NKAIN3: variants seen among roughly 807,000 people sequenced by gnomAD.
The protein encoded by NKAIN3 is sodium/potassium-transporting ATPase subunit beta-1-interacting protein 3.
A neutral mutation model predicts 30.2 loss-of-function variants in NKAIN3; 25 were observed. That is an observed-to-expected ratio of 0.83 (90% CI 0.60 to 1.16). NKAIN3 has a LOEUF of 1.16. Ranked by LOEUF, NKAIN3 falls within the 50% of genes most tolerant of loss-of-function variation. NKAIN3 has a pLI of 0.00. For missense variants in NKAIN3, 225 were observed against 254.1 expected, an observed-to-expected ratio of 0.89 and a Z score of 0.78; for synonymous variants, 91 against 89.6, an observed-to-expected ratio of 1.02 and a Z score of -0.09.
intron 1 of NKAIN3, among the ~76,000 whole-genome samples, chr8:62,458,958 T>C (rs1363382357): frequency 6.6e-6 from 1 of 151,892 alleles, no homozygotes; most frequent in African/African-American, 2.4e-5. Context: ...AGACTCTCTG[T>C]AGCAGTAAAC....
Position 62,953,963 on chromosome 8 carries a change from T to C in NKAIN3, c.594T>C (p.Pro198=), listed in dbSNP as rs1823351666. ...SYYQDHVELK[P]VKPVEISNDI... is the part of the protein sequence containing the mutation. ...ACCAGGATCATGTTGAGTTAAAGCC[T>C]GTTAAACCAGTAAGTAAAGGTGTGA... The change falls in exon 6 of 7, where the codon CCT becomes CCC. Residue 198 remains proline, a synonymous_variant. Transcript: ENST00000623646. The C allele has an allele frequency of 1.0e-5, 10 of 975,054 alleles. No individual in the cohort carries two copies. The South Asian group carries it at 4.3e-4, about 42-fold the overall frequency. 60.4% of individuals were successfully genotyped at this position (975,054 alleles called of 1,614,324 possible).
rs1193221010 is a variant in NKAIN3 at position 62,307,664 on chromosome 8, C to T, written c.54+58537C>T. Among the ~76,000 whole-genome samples, 4 of 150,644 alleles carry T rather than the reference C, an allele frequency of 2.7e-5. 1 individual carries two copies. Among genetic ancestry groups the T allele is most frequent in the African/African-American group, 1.0e-4 (4 of 40,030 alleles). On this transcript the variant is annotated intron_variant, in intron 1 of 6. Transcript: ENST00000623646. ...TTTGGGTTTTAGAAAGATTAAAATG[C>T]GTAAGGCTTGGCCTCAAGTTGTTTG...
intron 3 of NKAIN3, among the ~76,000 whole-genome samples, chr8:62,708,041 T>C (rs1329233898): frequency 6.6e-6 from 1 of 152,048 alleles, no homozygotes; most frequent in Non-Finnish European, 1.5e-5. Flanking sequence ...CTGTACATAT[T>C]TGGGTTTATT....
At position 62,763,221 on chromosome 8, in the gene NKAIN3, C is replaced by CAA. The variant is rs55873861; in HGVS notation, c.471+16131_471+16132dup. Among the ~76,000 whole-genome samples, 117 of 47,186 alleles carry CAA rather than the reference C, an allele frequency of 2.5e-3. 20 individuals are homozygous for CAA. Among genetic ancestry groups the CAA allele is most frequent in the African/African-American group, 4.5e-3 (75 of 16,642 alleles). The allele number at this position is 47,186 out of a possible 152,430, so 31.0% of individuals were successfully genotyped here. On this transcript the variant is annotated intron_variant, in intron 4 of 6. Coordinates refer to ENST00000623646, the MANE Select transcript of NKAIN3 (RefSeq NM_001304533.3). ...GGGCAACAAGTGCGAGACTCCGTCT[C>CAA]AAAAAAAAAAAAAAAAAAAAAAAAA... is the stretch of plus-strand genomic sequence containing the variant.
At chr8:62,760,064 A>G (rs1369114016) in intron 4 of NKAIN3, among the ~76,000 whole-genome samples, 2 of 152,212 alleles carry the variant, frequency 1.3e-5, no homozygotes, top group Non-Finnish European at 2.9e-5. Context: ...TGCAAATCAA[A>G]ACCACAATGA....
chr8:62,968,490 G>A lies in NKAIN3; in HGVS notation c.*3083G>A, dbSNP rs1472522697. 6.6e-6 allele frequency among the ~76,000 whole-genome samples: 1 copy of A among 152,120 alleles called. No individual in the cohort carries two copies. Among genetic ancestry groups the A allele is most frequent in the Non-Finnish European group, 1.5e-5 (1 of 68,016 alleles). ...CAATTGTGTGTCTGGTCAGAGTAAG[G>A]GAAAATGAATGCATCCCTTAGCTTG... On this transcript the variant is annotated 3_prime_UTR_variant, in exon 7 of 7. Transcript: ENST00000623646.
chr8:62,448,585 T>G (rs561495876), intron 1 of NKAIN3, among the ~76,000 whole-genome samples: 4 of 151,822 alleles, frequency 2.6e-5, no homozygotes, highest in Non-Finnish European at 5.9e-5. Context: ...ATACATGCAG[T>G]CTCACAGTTT....
intron 5 of NKAIN3, among the ~76,000 whole-genome samples, chr8:62,943,763 T>C (rs1489670192): frequency 6.9e-6 from 1 of 144,806 alleles, no homozygotes; most frequent in East Asian, 1.9e-4. Flanking sequence ...TATGATATAT[T>C]ATATTATATA....
chr8:62,340,099 T>C (rs1815692809), intron 1 of NKAIN3, among the ~76,000 whole-genome samples: 2 of 152,234 alleles, frequency 1.3e-5, no homozygotes, highest in South Asian at 4.1e-4. Context: ...AAGTTTTATG[T>C]TACATAGAAG....
At chr8:62,635,036 G>A (rs1023867350) in intron 3 of NKAIN3, among the ~76,000 whole-genome samples, 1 of 152,058 alleles carries the variant, frequency 6.6e-6, no homozygotes, top group African/African-American at 2.4e-5. Context: ...TTTACCTGGG[G>A]GGTCGGGGGC....
At chr8:62,371,451 T>C (rs1163786175) in intron 1 of NKAIN3, among the ~76,000 whole-genome samples, 1 of 151,898 alleles carries the variant, frequency 6.6e-6, no homozygotes, top group Non-Finnish European at 1.5e-5. Context: ...AGACAATCCA[T>C]TGGTTACCTG....
At chr8:62,869,320 C>G (rs1166473970) in intron 4 of NKAIN3, among the ~76,000 whole-genome samples, 1 of 152,042 alleles carries the variant, frequency 6.6e-6, no homozygotes, top group Admixed American at 6.5e-5. Context: ...CTTGCCGCCA[C>G]CCGGCGCCCC....
In NKAIN3 at chr8:62,733,223, C is replaced by A. The variant is rs190934305; in HGVS notation, c.274-13709C>A. On this transcript the variant is annotated intron_variant, in intron 3 of 6. Coordinates refer to ENST00000623646, the MANE Select transcript of NKAIN3 (RefSeq NM_001304533.3). The stretch of plus-strand genomic sequence containing the variant: ...CATCTTGCATGGCACTGATGAGCAA[C>A]TTTTAATTCCACCCTGTTTTTGCCT... 2.4e-4 allele frequency among the ~76,000 whole-genome samples: 37 copies of A among 152,216 alleles called. No homozygotes were observed. The East Asian group carries it at 6.8e-3, about 28-fold the overall frequency.
intron 1 of NKAIN3, among the ~76,000 whole-genome samples, chr8:62,285,211 G>A (rs567461796): frequency 1.2e-4 from 18 of 152,272 alleles, no homozygotes; most frequent in African/African-American, 4.3e-4. Context: ...AATGGAGAAT[G>A]TATGTGTTCT....
At chr8:62,661,335 ACTTCT>A (rs1272941384) in intron 3 of NKAIN3, among the ~76,000 whole-genome samples, 1 of 151,972 alleles carries the variant, frequency 6.6e-6, no homozygotes, top group Non-Finnish European at 1.5e-5. Flanking sequence ...TCCTCCTGAA[ACTTCT>A]CTTCTCACAG....
chr8:62,919,100 T>A (rs1822193909), intron 5 of NKAIN3, among the ~76,000 whole-genome samples: 1 of 151,960 alleles, frequency 6.6e-6, no homozygotes, highest in Non-Finnish European at 1.5e-5. Flanking sequence ...TATTATGACC[T>A]GAAGTTATAT....
chr8:62,909,154 A>G (rs935185552), intron 4 of NKAIN3, among the ~76,000 whole-genome samples: 1 of 152,232 alleles, frequency 6.6e-6, no homozygotes, highest in Non-Finnish European at 1.5e-5. Flanking sequence ...TAGTACCTAC[A>G]GGTGTGAAAC....
intron 1 of NKAIN3, among the ~76,000 whole-genome samples, chr8:62,556,330 G>T (rs1809384660): frequency 6.6e-6 from 1 of 151,242 alleles, no homozygotes; most frequent in Non-Finnish European, 1.5e-5. Flanking sequence ...ACTAAAAACA[G>T]TAAATAACTC....
chr8:62,752,697 C>T lies in NKAIN3; in HGVS notation c.471+5568C>T, dbSNP rs531757495. ...CTACTCTTTAACTTCTTATTTATCT[C>T]CCATTAACTAGAACTGTACTGAGTG... On this transcript the variant is annotated intron_variant, in intron 4 of 6. Coordinates refer to ENST00000623646, the MANE Select transcript of NKAIN3 (RefSeq NM_001304533.3). Among the ~76,000 whole-genome samples, 128 of 152,252 alleles carry T rather than the reference C, an allele frequency of 8.4e-4. 1 individual carries two copies. The highest frequency in any genetic ancestry group is 3.4e-3 in the Middle Eastern group (1 of 294).
Sources: gnomAD v4.1 joint callset for allele counts (sites outside exome capture counted in the v4.1 genomes callset) on GRCh38, gnomAD v4.1.1 for gene constraint, MANE v1.5 for transcripts, NCBI Gene and HGNC (gene_info 2026-07-23, HGNC 2026-07-21) for gene names.